Variants in NRG1 observed in about 807,000 individuals in gnomAD.
The protein encoded by NRG1 is pro-neuregulin-1, membrane-bound isoform.
Under a neutral mutation model 63.8 loss-of-function variants are expected in NRG1, and 18 were observed. The observed-to-expected ratio is 0.28, with a 90% CI of 0.19 to 0.42. The LOEUF is 0.42. NRG1 is among the 10% of genes least tolerant of loss of function. The probability of loss-of-function intolerance (pLI) is 1.00; values close to 1 mark genes in which losing one functional copy is unlikely to be tolerated. For missense variants in NRG1, 762 were observed against 814.7 expected (o/e 0.94, Z 0.79); for synonymous variants, 302 against 301.3 (o/e 1.00, Z -0.02).
At chr8:32,639,992 T>C (rs1852031309) in intron 5 of NRG1, among the ~76,000 whole-genome samples, 1 of 152,182 alleles carries the variant, frequency 6.6e-6, no homozygotes, top group Non-Finnish European at 1.5e-5. Flanking sequence ...AAAGCAAAAT[T>C]ATATCTTGCA....
intron 1 of NRG1, among the ~76,000 whole-genome samples, chr8:32,519,783 G>T (rs779432824): frequency 1.3e-5 from 2 of 152,090 alleles, no homozygotes; most frequent in Non-Finnish European, 2.9e-5. Flanking sequence ...TGATAAACAC[G>T]TTTGATTTTT....
At chr8:32,600,782 C>T (rs1844206854) in intron 2 of NRG1, among the ~76,000 whole-genome samples, 1 of 152,028 alleles carries the variant, frequency 6.6e-6, no homozygotes. Context: ...AAACACTTTA[C>T]ACGAATTAAC....
At chr8:32,655,031 A>C (rs907105684) in intron 5 of NRG1, among the ~76,000 whole-genome samples, 19 of 152,114 alleles carry the variant, frequency 1.2e-4, no homozygotes, top group Non-Finnish European at 2.2e-4. Context: ...TAATAATAAT[A>C]ATATACATGT....
chr8:32,703,934 G>T lies in NRG1; in HGVS notation c.503-24015G>T, dbSNP rs151116190. 4.0e-3 allele frequency among the ~76,000 whole-genome samples: 607 copies of T among 152,288 alleles called. 7 individuals carry two copies. Among genetic ancestry groups the T allele is most frequent in the Middle Eastern group, 6.8e-3 (2 of 294 alleles). ...TCGCTGCCCTTTCTGATACCTTTGT[G>T]TGTGCTCAGATTGGCACACTGATTA... On this transcript the variant is annotated intron_variant, in intron 5 of 11. Coordinates refer to ENST00000356819, the Ensembl canonical transcript of NRG1.
chr8:31,951,390 T>C (rs990703859), intron 1 of NRG1, among the ~76,000 whole-genome samples: 1 of 152,120 alleles, frequency 6.6e-6, no homozygotes, highest in Non-Finnish European at 1.5e-5. Context: ...CCCCGTGAGT[T>C]GGAACAACCT....
intron 1 of NRG1, among the ~76,000 whole-genome samples, chr8:32,338,520 T>TG (rs1293919918): frequency 9.9e-5 from 15 of 152,106 alleles, no homozygotes; most frequent in African/African-American, 3.4e-4. Context: ...AGGAGAATGG[T>TG]GAAAAACAAG....
intron 1 of NRG1, among the ~76,000 whole-genome samples, chr8:32,102,746 C>A (rs571948733): frequency 6.6e-6 from 1 of 152,130 alleles, no homozygotes; most frequent in South Asian, 2.1e-4. Context: ...CCATCGAATC[C>A]AGCTGGGTGT....
chr8:32,471,466 G>A (rs894688538), intron 1 of NRG1, among the ~76,000 whole-genome samples: 31 of 151,956 alleles, frequency 2.0e-4, no homozygotes, highest in African/African-American at 4.6e-4. Context: ...TAGATCAATC[G>A]CCATCAATCA....
chr8:32,744,991 A>G (rs1025772263), intron 7 of NRG1, among the ~76,000 whole-genome samples: 3 of 152,314 alleles, frequency 2.0e-5, no homozygotes, highest in African/African-American at 4.8e-5. Flanking sequence ...ACAAAGATTG[A>G]TTGCACATTT....
chr8:32,049,321 T>C (rs577608688), intron 1 of NRG1, among the ~76,000 whole-genome samples: 1 of 152,260 alleles, frequency 6.6e-6, no homozygotes, highest in South Asian at 2.1e-4. Context: ...CTAAATATAT[T>C]CCATCCAGTT....
At chr8:31,940,746 G>T (rs1488032744) in intron 1 of NRG1, among the ~76,000 whole-genome samples, 1 of 151,930 alleles carries the variant, frequency 6.6e-6, no homozygotes, top group African/African-American at 2.4e-5. Flanking sequence ...AAATACAAAA[G>T]ATTATTCAAG....
intron 1 of NRG1, among the ~76,000 whole-genome samples, chr8:32,080,785 GTGTGTGTGT>G (rs1319519128): frequency 6.6e-6 from 1 of 151,448 alleles, no homozygotes; most frequent in Non-Finnish European, 1.5e-5. Flanking sequence ...GTGTGTGTGT[GTGTGTGTGT>G]GTGTGTGTGT....
At chr8:32,586,899 G>C (rs371171014) in intron 1 of NRG1, among the ~76,000 whole-genome samples, 20 of 152,270 alleles carry the variant, frequency 1.3e-4, no homozygotes, top group African/African-American at 4.8e-4. Flanking sequence ...CAATGGAGAA[G>C]AGCAACTTTG....
rs752191474 is a variant in NRG1 at position 31,640,874 on chromosome 8, G to A, written c.37+1443G>A. 1.3e-3 allele frequency: 1,793 copies of A among 1,370,694 alleles called. 2 individuals carry two copies. Among genetic ancestry groups the A allele is most frequent in the Non-Finnish European group, 1.4e-3 (1,487 of 1,064,340 alleles). The allele number at this position is 1,370,694 out of a possible 1,614,324, so 84.9% of individuals were successfully genotyped here. A position where few individuals can be genotyped will look rare whatever the true frequency, so the allele number is the denominator to read the frequency against. On this transcript the variant is annotated intron_variant, in intron 1 of 10. Coordinates refer to the NRG1 transcript ENST00000519301. The surrounding 1 kb of genome is among the most constrained non-coding windows in gnomAD (Gnocchi z 6.3). ...GGTTTCAGGGTGGTGGGTTCTCAGC[G>A]ATCCTCAGAGAGGGAGGTTTCGCTT...
At chr8:32,379,213 TA>T (rs926943016) in intron 1 of NRG1, among the ~76,000 whole-genome samples, 20 of 152,000 alleles carry the variant, frequency 1.3e-4, no homozygotes, top group African/African-American at 4.8e-4. Context: ...AAAGAGACTA[TA>T]AAAAAACACT....
At chr8:32,188,889 A>G (rs568859576) in intron 1 of NRG1, among the ~76,000 whole-genome samples, 2 of 152,118 alleles carry the variant, frequency 1.3e-5, no homozygotes, top group Non-Finnish European at 2.9e-5. Flanking sequence ...GCAGCACACC[A>G]GCATGGCACA....
intron 5 of NRG1, among the ~76,000 whole-genome samples, chr8:32,649,718 A>C (rs1445149574): frequency 6.6e-6 from 1 of 152,204 alleles, no homozygotes; most frequent in Non-Finnish European, 1.5e-5. Context: ...TTAAAGAAAA[A>C]AAAAGTCTTG....
chr8:31,816,509 A>G (rs187564699), intron 1 of NRG1, among the ~76,000 whole-genome samples: 8 of 152,226 alleles, frequency 5.3e-5, no homozygotes, highest in Non-Finnish European at 1.0e-4. Context: ...GAATTTCCAT[A>G]TTATTAATGC....
At chr8:32,426,316 T>C (rs2062468072) in intron 1 of NRG1, among the ~76,000 whole-genome samples, 1 of 152,178 alleles carries the variant, frequency 6.6e-6, no homozygotes, top group Non-Finnish European at 1.5e-5. Context: ...AAGTGCTGTA[T>C]TGATGGACAG....
Sources: gnomAD v4.1 joint callset for allele counts (sites outside exome capture counted in the v4.1 genomes callset) on GRCh38, gnomAD v4.1.1 for gene constraint, Gnocchi (gnomAD v3.1) non-coding constraint, MANE v1.5 for transcripts, NCBI Gene and HGNC (gene_info 2026-07-23, HGNC 2026-07-21) for gene names.